ZBTB7A: variants seen among roughly 807,000 people sequenced by gnomAD.
The protein encoded by ZBTB7A is zinc finger and BTB domain containing 7A.
In ZBTB7A, 7 loss-of-function variants were observed where a neutral mutation model predicts 26.7. The ratio of observed to expected loss-of-function variants is 0.26; its 90% confidence interval spans 0.15 to 0.49. The LOEUF is 0.49. Ranked by LOEUF, ZBTB7A falls within the 20% of genes least tolerant of loss-of-function variation. The pLI, the probability that ZBTB7A is intolerant of heterozygous loss-of-function variation, is 0.98. For missense variants in ZBTB7A, 617 were observed against 919.5 expected, an observed-to-expected ratio of 0.67 and a Z score of 4.25; for synonymous variants, 452 against 441.0, an observed-to-expected ratio of 1.02 and a Z score of -0.31.
rs1034102056 is a variant in ZBTB7A at position 4,047,634 on chromosome 19, T to C, written c.*118A>G. 30 of 947,310 alleles carry C rather than the reference T, an allele frequency of 3.2e-5. No individual in the cohort carries two copies. Among genetic ancestry groups the C allele is most frequent in the South Asian group, 5.5e-5 (3 of 54,076 alleles). 58.7% of individuals were successfully genotyped at this position (947,310 alleles called of 1,614,324 possible). On this transcript the variant is annotated 3_prime_UTR_variant, in exon 3 of 3. Coordinates refer to ENST00000322357, the MANE Select transcript of ZBTB7A (RefSeq NM_015898.4). ...ATATCTGTATATATATATATAGATA[T>C]AGATATCTGTATATAGATAGATTTT... is the stretch of plus-strand genomic sequence containing the variant.
At chr19:4,063,965 C>T (rs1475992700) in intron 1 of ZBTB7A, among the ~76,000 whole-genome samples, 1 of 152,210 alleles carries the variant, frequency 6.6e-6, no homozygotes, top group Admixed American at 6.5e-5. Context: ...CAGGTGGACC[C>T]AGCTATAGGT....
Position 4,047,675 on chromosome 19 carries a change from T to TG in ZBTB7A, c.*76dup, listed in dbSNP as rs1009983865. The TG allele has an allele frequency of 3.5e-5, 52 of 1,506,786 alleles. 1 individual carries two copies. Among genetic ancestry groups the TG allele is most frequent in the African/African-American group, 1.2e-4 (8 of 69,530 alleles). 93.3% of individuals were successfully genotyped at this position (1,506,786 alleles called of 1,614,324 possible). ...GATAGATTTTCTTTTTTTGTGTTTT[T>TG]GGGGGGGTGGTGGGTGATTTTTTTT... On this transcript the variant is annotated 3_prime_UTR_variant, in exon 3 of 3. Transcript: ENST00000322357.
rs1466142624 is a variant in ZBTB7A, at chr19:4,045,260, G to C, written c.*2492C>G. 1 of 152,244 alleles carries C rather than the reference G, an allele frequency of 6.6e-6. No homozygotes were observed. Among genetic ancestry groups the C allele is most frequent in the Non-Finnish European group, 1.5e-5 (1 of 68,092 alleles). The allele number at this position is 152,244 out of a possible 1,614,324, so 9.4% of individuals were successfully genotyped here. ...TTATTGCGAGGGGGTGCATGGATAG[G>C]GGAAGGTGGAAAGAGGGCTCACCCC... On this transcript the variant is annotated 3_prime_UTR_variant, in exon 3 of 3. Coordinates refer to ENST00000322357, the MANE Select transcript of ZBTB7A (RefSeq NM_015898.4). The surrounding 1 kb of genome is among the most constrained non-coding windows in gnomAD (Gnocchi z 4.1).
intron 2 of ZBTB7A, among the ~76,000 whole-genome samples, chr19:4,049,166 G>GCA (rs2040466469): frequency 1.5e-4 from 2 of 13,476 alleles, no homozygotes; most frequent in South Asian, 2.9e-3. Context: ...GTGTGTGTGT[G>GCA]TGTATATATA....
chr19:4,065,995 C>T (rs1298342717), intron 1 of ZBTB7A, among the ~76,000 whole-genome samples: 1 of 148,606 alleles, frequency 6.7e-6, no homozygotes, highest in Non-Finnish European at 1.5e-5. Context: ...GCCCCTCCTC[C>T]GCACCGCCCC....
At chr19:4,053,919 G>A (rs1360651302) in intron 2 of ZBTB7A, 52 bp downstream of exon 2, 4 of 1,532,892 alleles carry the variant, frequency 2.6e-6, no homozygotes, top group Non-Finnish European at 1.7e-6. Flanking sequence ...CGTGAGCGGC[G>A]GATGCTGGGG....
intron 1 of ZBTB7A, among the ~76,000 whole-genome samples, chr19:4,060,756 G>A (rs971335231): frequency 6.6e-6 from 1 of 152,196 alleles, no homozygotes; most frequent in African/African-American, 2.4e-5. Context: ...GGGAGCCAGG[G>A]GCCTCCCCAA....
intron 1 of ZBTB7A, among the ~76,000 whole-genome samples, chr19:4,065,896 A>AGGCCCCGCCCCCTGGCGGGCT (rs1015522024): frequency 3.0e-5 from 4 of 134,564 alleles, no homozygotes; most frequent in South Asian, 2.4e-4. Flanking sequence ...GCCCGGCTCC[A>AGGCCCCGCCCCCTGGCGGGCT]GGCCCCGCCC....
intron 2 of ZBTB7A, among the ~76,000 whole-genome samples, chr19:4,053,275 G>A (rs900768810): frequency 6.6e-6 from 1 of 152,230 alleles, no homozygotes; most frequent in Non-Finnish European, 1.5e-5. Context: ...CCACCCACAA[G>A]GGCAGGGCCT....
At position 4,054,392 on chromosome 19, in the gene ZBTB7A, C is replaced by T. The variant is rs571325589; in HGVS notation, c.841G>A (p.Ala281Thr). Residue 281 changes from alanine (A) to threonine (T), a missense_variant, in exon 2 of 3, where the codon GCC (alanine) becomes ACC (threonine). Coordinates refer to ENST00000322357, the MANE Select transcript of ZBTB7A (RefSeq NM_015898.4). ...TCGGGGGCCGCCTCCGACAGCGAGG[C>T]GGCCTCCTCCTCTCCGCCGCGGCCG... is the stretch of plus-strand genomic sequence containing the variant. Reference protein sequence around the residue: ...HYGRGGEEEAASLSEAAPEPG... With the variant: ...HYGRGGEEEATSLSEAAPEPG... The T allele has an allele frequency of 1.2e-4, 164 of 1,408,276 alleles. 1 individual carries two copies. The highest frequency in any genetic ancestry group is 1.1e-3 in the Admixed American group (30 of 27,612). The allele number at this position is 1,408,276 out of a possible 1,614,324, so 87.2% of individuals were successfully genotyped here.
At position 4,043,454 on chromosome 19, in the gene ZBTB7A, G is replaced by GTTT. The variant is rs59932757; in HGVS notation, c.*4295_*4297dup. Among the ~76,000 whole-genome samples the GTTT allele has an allele frequency of 2.8e-5, 4 of 145,082 alleles. No individual in the cohort carries two copies. The highest frequency in any genetic ancestry group is 3.0e-5 in the Non-Finnish European group (2 of 66,500). The stretch of plus-strand genomic sequence containing the variant: ...ACTCCCAAAAAGTGCATTTTTATCA[G>GTTT]TTTTTTTTTTTTTTAAATCTCCCAC... On this transcript the variant is annotated 3_prime_UTR_variant, in exon 3 of 3. Coordinates refer to ENST00000322357, the MANE Select transcript of ZBTB7A (RefSeq NM_015898.4).
At chr19:4,063,705 C>T (rs2040662467) in intron 1 of ZBTB7A, among the ~76,000 whole-genome samples, 1 of 152,194 alleles carries the variant, frequency 6.6e-6, no homozygotes, top group Non-Finnish European at 1.5e-5. Flanking sequence ...GGCAGGCGCC[C>T]CTGGGCCACC....
intron 1 of ZBTB7A, among the ~76,000 whole-genome samples, chr19:4,058,801 G>T (rs916206209): frequency 2.0e-5 from 3 of 152,220 alleles, no homozygotes; most frequent in African/African-American, 7.2e-5. Flanking sequence ...CTCAGCGCGG[G>T]GCCTGAGCTG....
chr19:4,059,910 C>A (rs537006455), intron 1 of ZBTB7A, among the ~76,000 whole-genome samples: 293 of 152,284 alleles, frequency 1.9e-3, no homozygotes, highest in African/African-American at 6.6e-3. Context: ...AGTGCTGAAG[C>A]CCCACTGTGC....
rs2040560512 is a variant in ZBTB7A at position 4,054,906 on chromosome 19, G to A, written c.327C>T (p.Ser109=). 12 of 1,609,090 alleles carry A rather than the reference G, an allele frequency of 7.5e-6. No individual in the cohort carries two copies. The highest frequency in any genetic ancestry group is 1.0e-5 in the Non-Finnish European group (12 of 1,178,550). ...CGGGGATCTCCAGCAGGCGGGCGGC[G>A]CTGAGGATGTCACCCACGTTGGCTG... ...VSTANVGDIL[S]AARLLEIPAV... The change falls in exon 2 of 3, where the codon AGC becomes AGT. Residue 109 remains serine (S), a synonymous_variant. Transcript: ENST00000322357.
Position 4,046,676 on chromosome 19 carries a change from C to A in ZBTB7A, c.*1076G>T, listed in dbSNP as rs535678408. 2.7e-5 allele frequency: 4 copies of A among 149,938 alleles called. No individual in the cohort carries two copies. The highest frequency in any genetic ancestry group is 4.4e-5 in the Non-Finnish European group (3 of 67,540). The allele number at this position is 149,938 out of a possible 1,614,324, so 9.3% of individuals were successfully genotyped here. Reference sequence around the variant, plus strand: ...TTTGTGGATTTTCTCTCTCTCCCCCCATCCCTGCCATCACCAGACCCTGGG... The same window carrying A: ...TTTGTGGATTTTCTCTCTCTCCCCCAATCCCTGCCATCACCAGACCCTGGG... On this transcript the variant is annotated 3_prime_UTR_variant, in exon 3 of 3. Coordinates refer to ENST00000322357, the MANE Select transcript of ZBTB7A (RefSeq NM_015898.4).
chr19:4,057,528 G>A (rs927077162), intron 1 of ZBTB7A, among the ~76,000 whole-genome samples: 53 of 151,920 alleles, frequency 3.5e-4, no homozygotes, highest in Admixed American at 3.4e-3. Flanking sequence ...GGTGGCTCAC[G>A]CCGGTAATCC....
chr19:4,051,542 C>T (rs931118779), intron 2 of ZBTB7A, among the ~76,000 whole-genome samples: 5 of 152,178 alleles, frequency 3.3e-5, no homozygotes, highest in African/African-American at 1.2e-4. Context: ...CCTTGGCAAC[C>T]AGACCCCTAC....
In ZBTB7A at chr19:4,052,437, T is replaced by G. The variant is rs980010615; in HGVS notation, c.1262+1534A>C. Among the ~76,000 whole-genome samples the G allele has an allele frequency of 6.6e-6, 1 of 152,006 alleles. No individual in the cohort carries two copies. Among genetic ancestry groups the G allele is most frequent in the African/African-American group, 2.4e-5 (1 of 41,398 alleles). ...GCCTCCCAAAGTGCCCTTTGCCCCC[T>G]GCCTGGCACTCCTGGGCGCCGGAGT... On this transcript the variant is annotated intron_variant, in intron 2 of 2. Transcript: ENST00000322357. This position sits in a 1 kb window ranked among gnomAD's most constrained non-coding sequence, Gnocchi z 4.9.
Sources: gnomAD v4.1 joint callset for allele counts (sites outside exome capture counted in the v4.1 genomes callset) on GRCh38, gnomAD v4.1.1 for gene constraint, Gnocchi (gnomAD v3.1) non-coding constraint, MANE v1.5 for transcripts, NCBI Gene and HGNC (gene_info 2026-07-23, HGNC 2026-07-21) for gene names.